HMBOX1: variants seen among roughly 807,000 people sequenced by gnomAD.
HMBOX1 encodes homeobox-containing protein 1.
Under a neutral mutation model 54.5 loss-of-function variants are expected in HMBOX1, and 14 were observed. The observed-to-expected ratio is 0.26, with a 90% confidence interval of 0.17 to 0.40. HMBOX1 has a LOEUF of 0.40. HMBOX1 is among the 10% of genes least tolerant of loss of function. The pLI is 1.00. For missense variants in HMBOX1, 332 were observed against 514.4 expected, an observed-to-expected ratio of 0.65 and a Z score of 3.43; for synonymous variants, 160 against 181.0, an observed-to-expected ratio of 0.88 and a Z score of 0.93.
In HMBOX1 at chr8:28,907,877, G is replaced by T. The variant is rs115746936; in HGVS notation, c.-58+17199G>T. Among the ~76,000 whole-genome samples, 975 of 146,680 alleles carry T rather than the reference G, an allele frequency of 6.6e-3. 14 individuals are homozygous for T. The highest frequency in any genetic ancestry group is 0.023 in the African/African-American group (916 of 39,598). On this transcript the variant is annotated intron_variant, in intron 1 of 9. Coordinates refer to ENST00000287701, the MANE Select transcript of HMBOX1 (RefSeq NM_001135726.3). ...TTTTTTTTTTTTGAGACAAGTTCTC[G>T]CTCTGCTGTCCAGTCTGGAGTCCAG...
At chr8:28,904,397 C>T (rs563202629) in intron 1 of HMBOX1, among the ~76,000 whole-genome samples, 11 of 151,744 alleles carry the variant, frequency 7.2e-5, no homozygotes, top group East Asian at 3.9e-4. Context: ...CATGCCCAGC[C>T]GATTTTTGTA....
intron 1 of HMBOX1, among the ~76,000 whole-genome samples, chr8:28,956,561 A>T (rs1258507407): frequency 6.6e-6 from 1 of 152,222 alleles, no homozygotes; most frequent in East Asian, 1.9e-4. Context: ...TTATAATTTT[A>T]AAAAATATGT....
At chr8:28,897,380 G>GT (rs1563343942) in intron 1 of HMBOX1, among the ~76,000 whole-genome samples, 1 of 151,494 alleles carries the variant, frequency 6.6e-6, no homozygotes, top group Non-Finnish European at 1.5e-5. Flanking sequence ...AATAAAATGT[G>GT]TAAGATTTAA....
At chr8:29,029,211 A>G (rs1802531503) in intron 6 of HMBOX1, among the ~76,000 whole-genome samples, 3 of 152,152 alleles carry the variant, frequency 2.0e-5, no homozygotes, top group African/African-American at 4.8e-5. Flanking sequence ...TAGTGATGCT[A>G]TTTTGTTTAT....
At chr8:28,932,244 A>G (rs564674097) in intron 1 of HMBOX1, among the ~76,000 whole-genome samples, 1 of 152,356 alleles carries the variant, frequency 6.6e-6, no homozygotes, top group South Asian at 2.1e-4. Flanking sequence ...GCAGATGCCA[A>G]ATCTTATAAG....
At chr8:28,968,643 T>G (rs1586163633) in intron 2 of HMBOX1, among the ~76,000 whole-genome samples, 1 of 152,296 alleles carries the variant, frequency 6.6e-6, no homozygotes, top group South Asian at 2.1e-4. Flanking sequence ...TTAATAAAGT[T>G]TTCATGTAGA....
chr8:28,920,020 T>C (rs1817270059), intron 1 of HMBOX1, among the ~76,000 whole-genome samples: 1 of 151,872 alleles, frequency 6.6e-6, no homozygotes, highest in African/African-American at 2.4e-5. Flanking sequence ...TAGCTAGACC[T>C]AGAGATGTAT....
At chr8:28,989,819 G>A (rs556646780) in intron 4 of HMBOX1, among the ~76,000 whole-genome samples, 1 of 152,260 alleles carries the variant, frequency 6.6e-6, no homozygotes, top group Non-Finnish European at 1.5e-5. Context: ...ATCATATCAA[G>A]TCTTAGTCTA....
At chr8:28,997,139 A>G (rs992483130) in intron 4 of HMBOX1, among the ~76,000 whole-genome samples, 30 of 152,072 alleles carry the variant, frequency 2.0e-4, no homozygotes, top group African/African-American at 5.1e-4. Context: ...CTCTAATACA[A>G]TGTTTAACAG....
chr8:28,986,729 T>C (rs560995078), intron 4 of HMBOX1, among the ~76,000 whole-genome samples: 7 of 152,340 alleles, frequency 4.6e-5, no homozygotes, highest in Admixed American at 2.0e-4. Context: ...TTTTGCAGCC[T>C]CAGGGGAATA....
chr8:28,985,328 G>A (rs1289877537), intron 4 of HMBOX1, among the ~76,000 whole-genome samples: 3 of 152,034 alleles, frequency 2.0e-5, no homozygotes, highest in Non-Finnish European at 4.4e-5. Context: ...TCTTTTATTG[G>A]GGCACTAATT....
intron 1 of HMBOX1, among the ~76,000 whole-genome samples, chr8:28,930,456 T>C (rs1385265018): frequency 6.6e-6 from 1 of 152,174 alleles, no homozygotes; most frequent in African/African-American, 2.4e-5. Context: ...TGCTGCTAGA[T>C]ATTTATAACC....
intron 4 of HMBOX1, among the ~76,000 whole-genome samples, chr8:29,001,425 C>T (rs1462226356): frequency 6.6e-6 from 1 of 152,158 alleles, no homozygotes; most frequent in Non-Finnish European, 1.5e-5. Flanking sequence ...TGGTGGGCAC[C>T]TGTAATCCCG....
intron 1 of HMBOX1, among the ~76,000 whole-genome samples, chr8:28,961,571 A>G (rs1158580443): frequency 6.6e-6 from 1 of 152,182 alleles, no homozygotes; most frequent in African/African-American, 2.4e-5. Flanking sequence ...TTCTGTTTGT[A>G]TATATATCAC....
Position 28,902,065 on chromosome 8 carries a change from G to T in HMBOX1, c.-58+11387G>T, listed in dbSNP as rs555791106. On this transcript the variant is annotated intron_variant, in intron 1 of 9. Transcript: ENST00000287701. Reference sequence around the variant, plus strand: ...GTAATTTTTTGTATTTACTTGTAAGGTATGTGACATTCTAAATAGTTTAGT... The same window carrying T: ...GTAATTTTTTGTATTTACTTGTAAGTTATGTGACATTCTAAATAGTTTAGT... 3.9e-5 allele frequency among the ~76,000 whole-genome samples: 6 copies of T among 152,166 alleles called. No individual in the cohort carries two copies. The East Asian group carries it at 9.6e-4, about 24-fold the overall frequency.
intron 1 of HMBOX1, among the ~76,000 whole-genome samples, chr8:28,953,060 G>C (rs1410868627): frequency 1.3e-5 from 2 of 152,136 alleles, no homozygotes; most frequent in Non-Finnish European, 2.9e-5. Flanking sequence ...TACCTGAAGG[G>C]ATTCTGAGAT....
At chr8:28,983,637 C>G (rs1829745628) in intron 4 of HMBOX1, among the ~76,000 whole-genome samples, 3 of 152,178 alleles carry the variant, frequency 2.0e-5, no homozygotes, top group Non-Finnish European at 4.4e-5. Flanking sequence ...TGCAGGTACT[C>G]TGAACTTTCC....
At chr8:28,979,084 C>A (rs1828920226) in intron 3 of HMBOX1, among the ~76,000 whole-genome samples, 1 of 152,176 alleles carries the variant, frequency 6.6e-6, no homozygotes, top group African/African-American at 2.4e-5. Context: ...AGAATTAGCC[C>A]ATAGGCGGTA....
At chr8:28,890,361 G>A (rs1371167341), upstream of HMBOX1, 1 of 169,230 alleles carries the variant, frequency 5.9e-6, no homozygotes, top group African/African-American at 2.4e-5. Flanking sequence ...ACAACTCCCA[G>A]GGACGCCCGG....
Sources: gnomAD v4.1 joint callset for allele counts (sites outside exome capture counted in the v4.1 genomes callset) on GRCh38, gnomAD v4.1.1 for gene constraint, MANE v1.5 for transcripts, NCBI Gene and HGNC (gene_info 2026-07-23, HGNC 2026-07-21) for gene names.